The following GRK5 variants were observed in gnomAD, a reference collection of about 807,000 sequenced individuals.
GRK5 encodes the protein G protein-coupled receptor kinase 5, also known as g protein-coupled receptor kinase GRK5.
A neutral mutation model predicts 78.4 loss-of-function variants in GRK5; 40 were observed. The observed-to-expected ratio is 0.51, with a 90% CI of 0.40 to 0.66. The LOEUF (loss-of-function observed/expected upper bound fraction) is 0.66. GRK5 is among the 30% of genes least tolerant of loss of function. The pLI is 0.00. For synonymous variants in GRK5, 289 were observed against 296.8 expected, an observed-to-expected ratio of 0.97 and a Z score of 0.27; for missense variants, 598 against 759.9, an observed-to-expected ratio of 0.79 and a Z score of 2.50.
intron 1 of GRK5, among the ~76,000 whole-genome samples, chr10:119,308,898 C>G (rs944514828): frequency 8.5e-5 from 13 of 152,218 alleles, no homozygotes; most frequent in African/African-American, 3.1e-4. Context: ...GCCTGCCGGC[C>G]CTTTTCTCCC....
intron 1 of GRK5, chr10:119,211,372 C>T (rs966022093): frequency 6.6e-6 from 1 of 152,134 alleles, no homozygotes; most frequent in African/African-American, 2.4e-5. Flanking sequence ...TGGCAGGCGA[C>T]CTAATGTTGA....
chr10:119,280,300 A>G (rs1229581899), intron 1 of GRK5, among the ~76,000 whole-genome samples: 4 of 152,248 alleles, frequency 2.6e-5, no homozygotes, highest in Non-Finnish European at 5.9e-5. Context: ...TAGTGCCGTA[A>G]CACACACGGA....
chr10:119,265,295 G>A (rs1424085802), intron 1 of GRK5, among the ~76,000 whole-genome samples: 1 of 152,056 alleles, frequency 6.6e-6, no homozygotes, highest in African/African-American at 2.4e-5. Flanking sequence ...CTTTGCTGAG[G>A]CCCCCCCGCA....
chr10:119,399,862 A>G (rs1432019955), intron 4 of GRK5, among the ~76,000 whole-genome samples: 2 of 152,100 alleles, frequency 1.3e-5, no homozygotes, highest in Non-Finnish European at 2.9e-5. Flanking sequence ...CTGTGGCTTC[A>G]CACTGGACTG....
At chr10:119,383,836 G>C (rs1373844242) in intron 3 of GRK5, among the ~76,000 whole-genome samples, 1 of 152,140 alleles carries the variant, frequency 6.6e-6, no homozygotes, top group Admixed American at 6.5e-5. Flanking sequence ...CAGAGGAGCT[G>C]TGATTCCTTT....
chr10:119,234,211 A>C (rs1244763118), intron 1 of GRK5, among the ~76,000 whole-genome samples: 1 of 152,188 alleles, frequency 6.6e-6, no homozygotes, highest in Non-Finnish European at 1.5e-5. Flanking sequence ...AGATGAGAAA[A>C]CAGAAGCTCA....
At chr10:119,241,585 G>T (rs1849029175) in intron 1 of GRK5, among the ~76,000 whole-genome samples, 1 of 152,186 alleles carries the variant, frequency 6.6e-6, no homozygotes, top group South Asian at 2.1e-4. Flanking sequence ...TTGGCATAGT[G>T]GTGGGCACAT....
chr10:119,258,379 A>C (rs1849321141), intron 1 of GRK5, among the ~76,000 whole-genome samples: 1 of 152,228 alleles, frequency 6.6e-6, no homozygotes, highest in Non-Finnish European at 1.5e-5. Context: ...GAATAAAGCC[A>C]CTATAAGCAT....
chr10:119,448,301 G>A (rs373362941), intron 13 of GRK5, 41 bp downstream of exon 13: 3 of 1,565,508 alleles, frequency 1.9e-6, no homozygotes, highest in Non-Finnish European at 2.6e-6. Flanking sequence ...CCCTTCACAG[G>A]GTACCCAGGG....
At chr10:119,409,060 C>T (rs117993745) in intron 4 of GRK5, among the ~76,000 whole-genome samples, 3,111 of 152,270 alleles carry the variant, frequency 0.02, 56 homozygotes, top group Non-Finnish European at 0.034. Flanking sequence ...GCCCCGGAGG[C>T]GGTGTCGGGC....
chr10:119,249,588 C>T (rs1411274953), intron 1 of GRK5, among the ~76,000 whole-genome samples: 1 of 152,118 alleles, frequency 6.6e-6, no homozygotes, highest in Non-Finnish European at 1.5e-5. Flanking sequence ...ATCTCCATCT[C>T]CCAGGTTCAA....
intron 4 of GRK5, among the ~76,000 whole-genome samples, chr10:119,405,084 G>A (rs1437842973): frequency 1.3e-5 from 2 of 152,212 alleles, no homozygotes; most frequent in East Asian, 1.9e-4. Flanking sequence ...CTGGCAAGGG[G>A]GGTGCCAGTT....
At chr10:119,214,214 A>C (rs1016402333) in intron 1 of GRK5, among the ~76,000 whole-genome samples, 2 of 152,192 alleles carry the variant, frequency 1.3e-5, no homozygotes, top group African/African-American at 4.8e-5. Context: ...GCCTCAGGTG[A>C]TCTGCCTGCC....
At chr10:119,220,823 T>C in intron 1 of GRK5, among the ~76,000 whole-genome samples, 1 of 67,688 alleles carries the variant, frequency 1.5e-5, no homozygotes, top group African/African-American at 5.7e-5. Context: ...TGACAGAGGC[T>C]CAAAAAAAAA....
chr10:119,344,951 CCTCCCTCG>C (rs1851062779), intron 2 of GRK5, among the ~76,000 whole-genome samples: 1 of 120,262 alleles, frequency 8.3e-6, no homozygotes, highest in Non-Finnish European at 1.9e-5. Context: ...TCCCTCCCTC[CCTCCCTCG>C]CTCCTTCCTT....
At chr10:119,408,208 C>CCA (rs1471945580) in intron 4 of GRK5, among the ~76,000 whole-genome samples, 3 of 148,370 alleles carry the variant, frequency 2.0e-5, no homozygotes, top group African/African-American at 7.4e-5. Context: ...GGTATGGTGG[C>CCA]GCATGCCTGT....
intron 1 of GRK5, among the ~76,000 whole-genome samples, chr10:119,295,153 G>T (rs372224058): frequency 3.1e-4 from 43 of 138,388 alleles, no homozygotes; most frequent in African/African-American, 1.2e-3. Flanking sequence ...TCGCACCACC[G>T]CACTCCAGCC....
intron 1 of GRK5, among the ~76,000 whole-genome samples, chr10:119,240,996 G>C (rs542206510): frequency 1.3e-5 from 2 of 152,358 alleles, no homozygotes; most frequent in African/African-American, 4.8e-5. Context: ...GAGCAGGCAG[G>C]ATTGTGCCGG....
At chr10:119,208,073 G>A in intron 1 of GRK5, 104 bp downstream of exon 1, 1 of 1,061,046 alleles carries the variant, frequency 9.4e-7, no homozygotes, top group Non-Finnish European at 1.3e-6. Context: ...GATGCCCGCT[G>A]CCGGCGAGTG....
Sources: allele counts gnomAD v4.1 joint callset (sites outside exome capture counted in the v4.1 genomes callset), GRCh38; gene constraint gnomAD v4.1.1; transcripts MANE v1.5; gene names NCBI Gene and HGNC (gene_info 2026-07-23, HGNC 2026-07-21).